SETBP1: variants seen among roughly 807,000 people sequenced by gnomAD.
SETBP1 encodes SET-binding protein.
SETBP1 carries 9 observed loss-of-function variants against 101.0 expected under a neutral mutation model. The observed-to-expected ratio is 0.09, with a 90% CI of 0.05 to 0.16. The LOEUF (loss-of-function observed/expected upper bound fraction) is 0.16. Among genes scored for constraint, SETBP1 ranks in the 10% least tolerant of loss-of-function variants. The pLI, the probability that SETBP1 is intolerant of heterozygous loss-of-function variation, is 1.00. For synonymous variants in SETBP1, 818 were observed against 788.5 expected (o/e 1.04, Z -0.63); for missense variants, 1,858 against 2,033.8 (o/e 0.91, Z 1.66).
At chr18:45,038,033 G>A (rs1353224367) in intron 4 of SETBP1, among the ~76,000 whole-genome samples, 2 of 152,250 alleles carry the variant, frequency 1.3e-5, no homozygotes, top group Middle Eastern at 3.4e-3. Context: ...ACACAAGCCT[G>A]CACGAGCTTG....
chr18:44,836,382 A>C (rs1248516856), intron 2 of SETBP1, among the ~76,000 whole-genome samples: 1 of 152,162 alleles, frequency 6.6e-6, no homozygotes, highest in South Asian at 2.1e-4. Context: ...AAAAAATGTC[A>C]GATTGTTTAA....
chr18:44,965,395 G>A (rs911385044), intron 4 of SETBP1, among the ~76,000 whole-genome samples: 2 of 151,904 alleles, frequency 1.3e-5, no homozygotes, highest in African/African-American at 2.4e-5. Flanking sequence ...TTAGAGAGAA[G>A]GCACTTGCTA....
At chr18:44,731,923 C>T (rs1020611074) in intron 2 of SETBP1, among the ~76,000 whole-genome samples, 8 of 152,160 alleles carry the variant, frequency 5.3e-5, no homozygotes, top group African/African-American at 1.9e-4. Context: ...TGATTGTTTG[C>T]CCTGATAAGA....
At chr18:44,838,139 T>G (rs183804288) in intron 2 of SETBP1, among the ~76,000 whole-genome samples, 54 of 152,346 alleles carry the variant, frequency 3.5e-4, no homozygotes, top group African/African-American at 1.3e-3. Flanking sequence ...CTCTGTCCTT[T>G]TGCTTCCTCA....
intron 5 of SETBP1, among the ~76,000 whole-genome samples, chr18:45,050,833 T>C (rs1172677082): frequency 6.6e-6 from 1 of 152,208 alleles, no homozygotes; most frequent in African/African-American, 2.4e-5. Flanking sequence ...CTGGAGTGCC[T>C]GGGGATAGTT....
At chr18:44,982,710 G>T (rs1353218172) in intron 4 of SETBP1, among the ~76,000 whole-genome samples, 1 of 152,114 alleles carries the variant, frequency 6.6e-6, no homozygotes, top group Non-Finnish European at 1.5e-5. Context: ...GTTCCCAGTG[G>T]GTCATATAAT....
intron 4 of SETBP1, among the ~76,000 whole-genome samples, chr18:45,004,481 AAAG>A (rs770251070): frequency 8.5e-5 from 13 of 152,246 alleles, no homozygotes; most frequent in Non-Finnish European, 1.9e-4. Context: ...TTACAGAATC[AAAG>A]AATATCAGAG....
intron 2 of SETBP1, among the ~76,000 whole-genome samples, chr18:44,705,202 A>G (rs2069193835): frequency 1.3e-5 from 2 of 152,200 alleles, no homozygotes; most frequent in Non-Finnish European, 2.9e-5. Flanking sequence ...GAATAATAAT[A>G]TTTTGTAATA....
chr18:44,861,603 T>C (rs150570086), intron 2 of SETBP1, among the ~76,000 whole-genome samples: 12 of 152,126 alleles, frequency 7.9e-5, no homozygotes, highest in African/African-American at 1.2e-4. Flanking sequence ...TCATAAGATA[T>C]TATGATGTAG....
chr18:45,049,134 C>A (rs1328908847), intron 5 of SETBP1, among the ~76,000 whole-genome samples: 1 of 152,010 alleles, frequency 6.6e-6, no homozygotes, highest in Non-Finnish European at 1.5e-5. Context: ...ACTAACAAAA[C>A]TATTATTCAG....
At chr18:44,777,358 C>G (rs1298175793) in intron 2 of SETBP1, among the ~76,000 whole-genome samples, 1 of 152,198 alleles carries the variant, frequency 6.6e-6, no homozygotes, top group African/African-American at 2.4e-5. Context: ...ATACACTCAA[C>G]TCAGTCTTTC....
At chr18:44,824,381 T>C (rs955508768) in intron 2 of SETBP1, among the ~76,000 whole-genome samples, 21 of 152,236 alleles carry the variant, frequency 1.4e-4, no homozygotes, top group African/African-American at 5.1e-4. Context: ...CTATATAGGG[T>C]TTTGTATGAT....
chr18:44,834,848 T>C (rs1446976733), intron 2 of SETBP1, among the ~76,000 whole-genome samples: 2 of 152,138 alleles, frequency 1.3e-5, no homozygotes, highest in Admixed American at 6.5e-5. Flanking sequence ...AGAAAGGATA[T>C]GAGTTAAATC....
At chr18:44,978,074 C>T (rs2072029840) in intron 4 of SETBP1, among the ~76,000 whole-genome samples, 1 of 152,110 alleles carries the variant, frequency 6.6e-6, no homozygotes, top group Admixed American at 6.6e-5. Context: ...CCTCAGCCAG[C>T]CAGGGTTGCA....
At chr18:44,727,478 T>C (rs1256376309) in intron 2 of SETBP1, among the ~76,000 whole-genome samples, 1 of 152,154 alleles carries the variant, frequency 6.6e-6, no homozygotes, top group East Asian at 1.9e-4. Context: ...CCAGCATCAC[T>C]TTTCAGTGTG....
At chr18:45,046,714 G>A (rs573998561) in intron 5 of SETBP1, among the ~76,000 whole-genome samples, 2 of 152,260 alleles carry the variant, frequency 1.3e-5, no homozygotes, top group Admixed American at 1.3e-4. Flanking sequence ...CAGAGTATTG[G>A]TTTCACTAGG....
At chr18:44,817,806 G>A (rs1011427818) in intron 2 of SETBP1, among the ~76,000 whole-genome samples, 1 of 152,196 alleles carries the variant, frequency 6.6e-6, no homozygotes, top group Non-Finnish European at 1.5e-5. Flanking sequence ...AGGAACGTGG[G>A]TCTCTGTTGA....
At chr18:44,988,375 G>A (rs545577742) in intron 4 of SETBP1, 3 of 152,308 alleles carry the variant, frequency 2.0e-5, no homozygotes, top group Non-Finnish European at 2.9e-5. Flanking sequence ...GTGTATTGAC[G>A]TTGGGATTAA....
intron 2 of SETBP1, among the ~76,000 whole-genome samples, chr18:44,786,615 GA>G (rs1315274514): frequency 6.6e-6 from 1 of 152,208 alleles, no homozygotes; most frequent in Admixed American, 6.5e-5. Flanking sequence ...GGACTATGGG[GA>G]GGGGAGAATG....
Sources: gnomAD v4.1 joint callset for allele counts (sites outside exome capture counted in the v4.1 genomes callset) on GRCh38, gnomAD v4.1.1 for gene constraint, MANE v1.5 for transcripts, NCBI Gene and HGNC (gene_info 2026-07-23, HGNC 2026-07-21) for gene names.